QRICH1: variants seen among roughly 807,000 people sequenced by gnomAD.
The protein encoded by QRICH1 is glutamine rich 1.
Under a neutral mutation model 87.1 loss-of-function variants are expected in QRICH1, and 16 were observed. The observed-to-expected ratio is 0.18, with a 90% CI of 0.12 to 0.28. The LOEUF is 0.28. Ranked by LOEUF, QRICH1 falls within the 10% of genes least tolerant of loss-of-function variation. The probability of loss-of-function intolerance (pLI) is 1.00; values close to 1 mark genes in which losing one functional copy is unlikely to be tolerated. For missense variants in QRICH1, 647 were observed against 951.7 expected, an observed-to-expected ratio of 0.68 and a Z score of 4.21; for synonymous variants, 367 against 368.4, an observed-to-expected ratio of 1.00 and a Z score of 0.05.
At position 49,057,324 on chromosome 3, in the gene QRICH1, G is replaced by A. The variant is rs1284979115; in HGVS notation, c.876C>T (p.Ala292=). 1.9e-6 allele frequency: 3 copies of A among 1,614,092 alleles called. No homozygotes were observed. The highest frequency in any genetic ancestry group is 2.7e-5 in the African/African-American group (2 of 74,932). Residue 292 remains alanine (A), a synonymous_variant, in exon 3 of 10, where the codon GCC becomes GCT. Coordinates refer to ENST00000395443, the MANE Select transcript of QRICH1 (RefSeq NM_198880.3). The surrounding 1 kb of genome is among the most constrained non-coding windows in gnomAD (Gnocchi z 5.4). The stretch of plus-strand genomic sequence containing the variant: ...TGGTCCCAGTGGCACTGTACAGGTG[G>A]GCACTGTCTACTGTCAGTAAGTCTG... ...LRPDLLTVDS[A]HLYSATGTIT...
chr3:49,089,143 C>T (rs2042225914), intron 1 of QRICH1, among the ~76,000 whole-genome samples: 1 of 151,962 alleles, frequency 6.6e-6, no homozygotes, highest in South Asian at 2.1e-4. Context: ...TCACTGCAAC[C>T]TCCGCCTACA....
intron 3 of QRICH1, among the ~76,000 whole-genome samples, chr3:49,054,887 A>G (rs181154288): frequency 3.9e-4 from 59 of 152,310 alleles, no homozygotes; most frequent in African/African-American, 1.4e-3. Flanking sequence ...GAAACAAAGC[A>G]ACAACCTGTC....
intron 1 of QRICH1, among the ~76,000 whole-genome samples, chr3:49,087,384 T>A (rs34889065): frequency 1.3e-5 from 2 of 151,098 alleles, no homozygotes; most frequent in Non-Finnish European, 2.9e-5. Context: ...AAACCCTGTC[T>A]CTACTAAAAA....
At position 49,045,611 on chromosome 3, in the gene QRICH1, C is replaced by T. The variant is rs371506219; in HGVS notation, c.1671+814G>A. On this transcript the variant is annotated intron_variant, in intron 5 of 9. Transcript: ENST00000395443. ...ACACCCAGCTAATTTTTTTTCTTTT[C>T]GTTTTTCAGACAGGGTCTCACTCTG... is the stretch of plus-strand genomic sequence containing the variant. Among the ~76,000 whole-genome samples the T allele has an allele frequency of 1.1e-4, 17 of 149,956 alleles. No individual in the cohort carries two copies. In the East Asian group the frequency reaches 3.2e-3, roughly 28 times the overall value.
chr3:49,093,002 C>G (rs1284217430), intron 1 of QRICH1, among the ~76,000 whole-genome samples: 2 of 152,186 alleles, frequency 1.3e-5, no homozygotes, highest in African/African-American at 4.8e-5. Context: ...GCTCGGAGTT[C>G]ACATGGGCCA....
chr3:49,031,424 T>G (rs887965827), intron 9 of QRICH1, among the ~76,000 whole-genome samples: 5 of 152,144 alleles, frequency 3.3e-5, no homozygotes, highest in African/African-American at 1.2e-4. Flanking sequence ...TATTCATCCA[T>G]CCATTCAAGA....
chr3:49,069,346 C>T lies in QRICH1; in HGVS notation c.309+7363G>A, dbSNP rs2093487516. ...CTTGAACTCCTGACCTCGTGATCCACCCGCCTTGTCCTCCCAAAGTGCTGG... is the reference window on the plus strand; with the variant it reads ...CTTGAACTCCTGACCTCGTGATCCATCCGCCTTGTCCTCCCAAAGTGCTGG... On this transcript the variant is annotated intron_variant, in intron 2 of 9. Transcript: ENST00000395443. 2.0e-5 allele frequency among the ~76,000 whole-genome samples: 3 copies of T among 151,674 alleles called. No homozygotes were observed. In the South Asian group the frequency reaches 6.2e-4, roughly 31 times the overall value.
intron 3 of QRICH1, among the ~76,000 whole-genome samples, chr3:49,047,897 A>G (rs2093347949): frequency 6.6e-6 from 1 of 152,148 alleles, no homozygotes; most frequent in African/African-American, 2.4e-5. Context: ...ACTGCACTCC[A>G]GCCTGGTGAT....
intron 1 of QRICH1, among the ~76,000 whole-genome samples, chr3:49,084,721 G>A (rs956791043): frequency 2.0e-5 from 3 of 151,880 alleles, no homozygotes; most frequent in Non-Finnish European, 4.4e-5. Flanking sequence ...CTGAGACTGC[G>A]CCACTGCACT....
At chr3:49,050,248 C>CAAAAAACAAAAAAAAAACAAAAAAAAA in intron 3 of QRICH1, among the ~76,000 whole-genome samples, 1 of 52,416 alleles carries the variant, frequency 1.9e-5, no homozygotes. Context: ...GACTCCGTCT[C>CAAAAAACAAAAAAAAAACAAAAAAAAA]AAAAAAAAAA....
chr3:49,045,197 A>C (rs539239544), intron 5 of QRICH1, among the ~76,000 whole-genome samples: 15 of 152,244 alleles, frequency 9.9e-5, no homozygotes, highest in South Asian at 6.2e-4. Flanking sequence ...CCTTCAAATA[A>C]GTAGTTAGTG....
intron 1 of QRICH1, among the ~76,000 whole-genome samples, chr3:49,078,386 CTTTTTT>C (rs60933196): frequency 1.4e-4 from 10 of 69,844 alleles, no homozygotes; most frequent in South Asian, 1.3e-3. Context: ...ATTATGGTTC[CTTTTTT>C]TTTTTTTTTT....
intron 2 of QRICH1, among the ~76,000 whole-genome samples, chr3:49,068,454 T>G (rs144783699): frequency 8.6e-6 from 1 of 115,896 alleles, no homozygotes; most frequent in Non-Finnish European, 1.7e-5. Context: ...CAGGACTCCG[T>G]CTCAAAAAAA....
At chr3:49,091,140 G>A (rs551445132) in intron 1 of QRICH1, among the ~76,000 whole-genome samples, 21 of 152,144 alleles carry the variant, frequency 1.4e-4, no homozygotes, top group South Asian at 1.0e-3. Context: ...GGAGAATGGC[G>A]TGAACCCAGG....
chr3:49,064,258 T>C (rs1304164558), intron 2 of QRICH1, among the ~76,000 whole-genome samples: 1 of 145,244 alleles, frequency 6.9e-6, no homozygotes, highest in Non-Finnish European at 1.5e-5. Flanking sequence ...TTTTTTTTTT[T>C]GGAGACAAGA....
At chr3:49,033,081 C>A (rs751534490) in intron 7 of QRICH1, 39 bp downstream of exon 7, 2 of 1,389,124 alleles carry the variant, frequency 1.4e-6, no homozygotes. Context: ...ACACTCTTCA[C>A]TGGACAGATG....
chr3:49,091,273 C>G (rs1198216006), intron 1 of QRICH1, among the ~76,000 whole-genome samples: 1 of 152,050 alleles, frequency 6.6e-6, no homozygotes, highest in Non-Finnish European at 1.5e-5. Context: ...CATGTAACAC[C>G]TAATTCTAAG....
Position 49,047,197 on chromosome 3 carries a change from G to C in QRICH1, c.1388C>G (p.Pro463Arg). The C allele has an allele frequency of 6.2e-7, 1 of 1,614,178 alleles. No individual in the cohort carries two copies. Among genetic ancestry groups the C allele is most frequent in the East Asian group, 2.2e-5 (1 of 44,886 alleles). ...ATTTGGAAGCAGAAGTTCTGGGGAAGGCTGTGGCTGTGACTGTGGTTCAAC... is the reference window on the plus strand; with the variant it reads ...ATTTGGAAGCAGAAGTTCTGGGGAACGCTGTGGCTGTGACTGTGGTTCAAC... ...AEVEPQSQPQPSPELLLPNSL... is the reference protein window; with the variant it reads ...AEVEPQSQPQRSPELLLPNSL... The change falls in exon 4 of 10, where the codon CCT becomes CGT. Residue 463 changes from proline (P) to arginine (R), a missense_variant. Around this residue, in one of 7 missense-constraint regions of QRICH1, gnomAD observed 187 missense variants for 309.5 expected, o/e 0.60. Coordinates refer to ENST00000395443, the MANE Select transcript of QRICH1 (RefSeq NM_198880.3).
intron 2 of QRICH1, among the ~76,000 whole-genome samples, chr3:49,072,324 TCTC>T (rs2041851731): frequency 6.6e-6 from 1 of 151,504 alleles, no homozygotes; most frequent in African/African-American, 2.4e-5. Context: ...AATGAGTAAA[TCTC>T]AGCCTGGGCA....
Sources: allele counts gnomAD v4.1 joint callset (sites outside exome capture counted in the v4.1 genomes callset), GRCh38; gene constraint gnomAD v4.1.1; regional missense constraint gnomAD v4.1.1; non-coding constraint Gnocchi (gnomAD v3.1); transcripts MANE v1.5; gene names NCBI Gene and HGNC (gene_info 2026-07-23, HGNC 2026-07-21).